The following NCAM1 variants were observed in gnomAD, a reference collection of about 807,000 sequenced individuals.
The protein encoded by NCAM1 is neural cell adhesion molecule 1, also known as antigen recognized by monoclonal antibody 5.1H11.
A neutral mutation model predicts 109.8 loss-of-function variants in NCAM1; 14 were observed. The ratio of observed to expected loss-of-function variants is 0.13; its 90% confidence interval spans 0.08 to 0.20. NCAM1 has a LOEUF of 0.20. NCAM1 is among the 10% of genes least tolerant of loss of function. The pLI is 1.00. For missense variants in NCAM1, 774 were observed against 1,109.9 expected, an observed-to-expected ratio of 0.70 and a Z score of 4.30; for synonymous variants, 418 against 442.9, an observed-to-expected ratio of 0.94 and a Z score of 0.70.
intron 1 of NCAM1, among the ~76,000 whole-genome samples, chr11:113,159,636 AT>A (rs1296054981): frequency 1.5e-4 from 23 of 151,162 alleles, no homozygotes; most frequent in African/African-American, 4.1e-4. Context: ...CATGCATTTT[AT>A]TTTTTTTTCC....
At chr11:113,099,992 CTTTTTA>C (rs1176430243) in intron 1 of NCAM1, among the ~76,000 whole-genome samples, 1 of 152,122 alleles carries the variant, frequency 6.6e-6, no homozygotes, top group African/African-American at 2.4e-5. Flanking sequence ...AGCCCCAGGG[CTTTTTA>C]TTTTTAAGAG....
chr11:112,988,487 C>T (rs1319230183), intron 1 of NCAM1, among the ~76,000 whole-genome samples: 4 of 152,028 alleles, frequency 2.6e-5, no homozygotes, highest in African/African-American at 9.7e-5. Flanking sequence ...GATGAGCACT[C>T]TCAGTTTTTA....
intron 1 of NCAM1, among the ~76,000 whole-genome samples, chr11:113,114,199 A>T (rs1940578003): frequency 1.3e-5 from 2 of 152,224 alleles, no homozygotes; most frequent in African/African-American, 4.8e-5. Flanking sequence ...CACTTGTGCC[A>T]GGCCCCAAAC....
chr11:113,158,999 C>A (rs896784168), intron 1 of NCAM1, among the ~76,000 whole-genome samples: 1 of 152,106 alleles, frequency 6.6e-6, no homozygotes, highest in African/African-American at 2.4e-5. Context: ...TCTCTAGAGA[C>A]CAGTGCTACC....
intron 1 of NCAM1, among the ~76,000 whole-genome samples, chr11:113,018,242 T>A (rs1014134601): frequency 1.8e-4 from 28 of 152,066 alleles, no homozygotes; most frequent in African/African-American, 6.3e-4. Context: ...AAGTATACAG[T>A]CCTGTACTGT....
intron 8 of NCAM1, among the ~76,000 whole-genome samples, chr11:113,220,602 C>CTCTCTTTTTTTT (rs1319361444): frequency 4.0e-5 from 3 of 75,584 alleles, no homozygotes; most frequent in Non-Finnish European, 7.1e-5. Flanking sequence ...CTCTCTCTCT[C>CTCTCTTTTTTTT]TTTTTTTTTT....
At chr11:113,011,145 A>G (rs1264067954) in intron 1 of NCAM1, among the ~76,000 whole-genome samples, 1 of 121,868 alleles carries the variant, frequency 8.2e-6, no homozygotes, top group Non-Finnish European at 1.6e-5. Context: ...CCAGAGTGTG[A>G]TATTCCCCTT....
chr11:113,067,791 G>C (rs545465419), intron 1 of NCAM1, among the ~76,000 whole-genome samples: 55 of 152,044 alleles, frequency 3.6e-4, no homozygotes, highest in Non-Finnish European at 7.5e-4. Flanking sequence ...AGTCAAATAA[G>C]TTTGAGAAAT....
chr11:113,190,387 A>C (rs1943640661), intron 1 of NCAM1, among the ~76,000 whole-genome samples: 1 of 152,198 alleles, frequency 6.6e-6, no homozygotes, highest in South Asian at 2.1e-4. Flanking sequence ...CTGTGGATGG[A>C]TGCATCATAA....
At chr11:113,246,461 A>G (rs1945506351) in intron 15 of NCAM1, 91 bp downstream of exon 15, 1 of 692,382 alleles carries the variant, frequency 1.4e-6, no homozygotes, top group South Asian at 1.5e-5. Context: ...CAGATTTCCT[A>G]AGCAAAGCCA....
chr11:113,089,782 A>G (rs782654673), intron 1 of NCAM1, among the ~76,000 whole-genome samples: 13 of 152,222 alleles, frequency 8.5e-5, no homozygotes, highest in Admixed American at 3.3e-4. Flanking sequence ...GATACATAAT[A>G]ATGCTAATCA....
chr11:113,001,700 G>A (rs879972518), intron 1 of NCAM1, among the ~76,000 whole-genome samples: 10 of 152,144 alleles, frequency 6.6e-5, no homozygotes, highest in Admixed American at 1.3e-4. Flanking sequence ...CTGGTGTGGT[G>A]CCTAACCTTG....
chr11:113,113,006 C>T (rs1266027934), intron 1 of NCAM1, among the ~76,000 whole-genome samples: 1 of 152,032 alleles, frequency 6.6e-6, no homozygotes, highest in African/African-American at 2.4e-5. Flanking sequence ...GGGGTGTGCA[C>T]CTGTAATCCC....
At chr11:113,101,534 C>G (rs1939874547) in intron 1 of NCAM1, among the ~76,000 whole-genome samples, 1 of 152,088 alleles carries the variant, frequency 6.6e-6, no homozygotes, top group African/African-American at 2.4e-5. Flanking sequence ...GTCACACTTT[C>G]TCCTGTTTTT....
intron 1 of NCAM1, among the ~76,000 whole-genome samples, chr11:113,123,083 G>T (rs782029636): frequency 6.6e-6 from 1 of 152,190 alleles, no homozygotes; most frequent in African/African-American, 2.4e-5. Flanking sequence ...GGAAGGAAGA[G>T]GGGAAGAATA....
Position 113,277,093 on chromosome 11 carries a change from A to AGCT in NCAM1, c.*1707_*1708insCTG. 2.7e-6 allele frequency: 1 copy of AGCT among 374,190 alleles called. No homozygotes were observed. The highest frequency in any genetic ancestry group is 4.7e-6 in the Non-Finnish European group (1 of 211,150). The allele number at this position is 374,190 out of a possible 1,614,324, so 23.2% of individuals were successfully genotyped here. A position where few individuals can be genotyped will look rare whatever the true frequency, so the allele number is the denominator to read the frequency against. ...CCTTTTAACAAAGAAAATGAAATACAGATGATGATGATGATGATGAAGATG... is the reference window on the plus strand; with the variant it reads ...CCTTTTAACAAAGAAAATGAAATACAGCTGATGATGATGATGATGATGAAGATG... On this transcript the variant is annotated 3_prime_UTR_variant, in exon 20 of 20. Coordinates refer to ENST00000316851, the MANE Select transcript of NCAM1 (RefSeq NM_181351.5).
chr11:112,972,877 T>C (rs1332395519), intron 1 of NCAM1, among the ~76,000 whole-genome samples: 3 of 152,026 alleles, frequency 2.0e-5, no homozygotes, highest in Admixed American at 1.3e-4. Context: ...GCTGCTAGTT[T>C]GGGTGACGGC....
At position 112,985,036 on chromosome 11, in the gene NCAM1, A is replaced by G. The variant is rs1373909314; in HGVS notation, c.52+23372A>G. Among the ~76,000 whole-genome samples, 3 of 151,676 alleles carry G rather than the reference A, an allele frequency of 2.0e-5. No individual in the cohort carries two copies. In the East Asian group the frequency reaches 5.8e-4, roughly 29 times the overall value. The stretch of plus-strand genomic sequence containing the variant: ...AGAGTTTTATAGCTCCAGGTCTTTA[A>G]TTCATTTTGAGTTGATTTTTGTGTA... On this transcript the variant is annotated intron_variant, in intron 1 of 19. Coordinates refer to ENST00000316851, the MANE Select transcript of NCAM1 (RefSeq NM_181351.5).
intron 1 of NCAM1, among the ~76,000 whole-genome samples, chr11:113,102,464 C>G (rs1939917797): frequency 6.6e-6 from 1 of 152,082 alleles, no homozygotes; most frequent in Admixed American, 6.6e-5. Flanking sequence ...TTTTTTCTGG[C>G]CTAAGCACTA....
Sources: gnomAD v4.1 joint callset for allele counts (sites outside exome capture counted in the v4.1 genomes callset) on GRCh38, gnomAD v4.1.1 for gene constraint, MANE v1.5 for transcripts, NCBI Gene and HGNC (gene_info 2026-07-23, HGNC 2026-07-21) for gene names.